The following GNAO1 variants were observed in gnomAD, a reference collection of about 807,000 sequenced individuals.
GNAO1 encodes guanine nucleotide-binding protein G(o) subunit alpha.
For synonymous variants in GNAO1, 164 were observed against 180.7 expected (o/e 0.91, Z 0.74); for missense variants, 166 against 478.7 (o/e 0.35, Z 6.10).
chr16:56,267,777 T>TCG (rs1267491262), intron 2 of GNAO1, among the ~76,000 whole-genome samples: 1 of 152,192 alleles, frequency 6.6e-6, no homozygotes, highest in Non-Finnish European at 1.5e-5. Context: ...ATTGTGTCTG[T>TCG]CGCTTTTATC....
At chr16:56,253,972 A>G (rs1302679900) in intron 2 of GNAO1, among the ~76,000 whole-genome samples, 2 of 152,232 alleles carry the variant, frequency 1.3e-5, no homozygotes, top group Non-Finnish European at 2.9e-5. Context: ...AAATGTTCCC[A>G]TTTAAGAACA....
At chr16:56,318,928 G>C (rs1002701495) in intron 3 of GNAO1, among the ~76,000 whole-genome samples, 2 of 152,154 alleles carry the variant, frequency 1.3e-5, no homozygotes, top group Non-Finnish European at 1.5e-5. Flanking sequence ...TGAGAGAACA[G>C]AGGCTCAGAG....
At chr16:56,252,052 A>G (rs1161683235) in intron 2 of GNAO1, among the ~76,000 whole-genome samples, 1 of 152,226 alleles carries the variant, frequency 6.6e-6, no homozygotes, top group East Asian at 1.9e-4. Context: ...TATAGGAAGT[A>G]TAATAAATCA....
At chr16:56,230,251 G>A (rs1422580994) in intron 2 of GNAO1, among the ~76,000 whole-genome samples, 1 of 152,204 alleles carries the variant, frequency 6.6e-6, no homozygotes, top group East Asian at 1.9e-4. Flanking sequence ...GGAGGCTGCT[G>A]TGGGGCCTGG....
chr16:56,320,672 C>T (rs753052184), intron 3 of GNAO1, among the ~76,000 whole-genome samples: 1 of 152,138 alleles, frequency 6.6e-6, no homozygotes, highest in Non-Finnish European at 1.5e-5. Context: ...CCAGCAGGTG[C>T]GGAATGATGA....
At chr16:56,209,420 G>A in intron 2 of GNAO1, among the ~76,000 whole-genome samples, 1 of 152,162 alleles carries the variant, frequency 6.6e-6, no homozygotes, top group East Asian at 1.9e-4. Context: ...TGGTCTTCAT[G>A]AGTGTCTTGG....
rs140038627 is a variant in GNAO1 at position 56,236,897 on chromosome 16, G to A, written c.162-39034G>A. On this transcript the variant is annotated intron_variant, in intron 2 of 8. Coordinates refer to ENST00000262493, the MANE Select transcript of GNAO1 (RefSeq NM_020988.3). ...TAGCCAAGGGCCGTGTCCCAGGAACGTGTAGGATTGTGCATTTGGATATCT... is the reference window on the plus strand; with the variant it reads ...TAGCCAAGGGCCGTGTCCCAGGAACATGTAGGATTGTGCATTTGGATATCT... Among the ~76,000 whole-genome samples, 215 of 152,294 alleles carry A rather than the reference G, an allele frequency of 1.4e-3. 1 individual carries two copies. Among genetic ancestry groups the A allele is most frequent in the African/African-American group, 5.0e-3 (207 of 41,564 alleles).
intron 3 of GNAO1, among the ~76,000 whole-genome samples, chr16:56,278,601 C>T (rs549563368): frequency 6.6e-6 from 1 of 152,312 alleles, no homozygotes; most frequent in Non-Finnish European, 1.5e-5. Context: ...CTTCCCTTTC[C>T]ATGTTCTCAT....
intron 4 of GNAO1, 29 bp downstream of exon 4, chr16:56,328,820 G>A: frequency 6.2e-7 from 1 of 1,609,668 alleles, no homozygotes; most frequent in Non-Finnish European, 8.5e-7. Context: ...GCATGGCCTG[G>A]AGCCGGGCAG....
At chr16:56,352,657 G>T (rs2037935326) in intron 7 of GNAO1, 1 of 152,424 alleles carries the variant, frequency 6.6e-6, no homozygotes, top group South Asian at 2.1e-4. Context: ...GTCGATGCTG[G>T]TCTCCCCACC....
Position 56,347,237 on chromosome 16 carries a change from G to T in GNAO1, c.724-4147G>T, listed in dbSNP as rs1377266221. On this transcript the variant is annotated intron_variant, in intron 6 of 8. Coordinates refer to ENST00000262493, the MANE Select transcript of GNAO1 (RefSeq NM_020988.3). The stretch of plus-strand genomic sequence containing the variant: ...TTCTCTGAGCCTCTGGGAGCCTTCA[G>T]GCAAAACCTGGCAGTTCTCAGGAAC... The T allele has an allele frequency of 9.1e-6, 9 of 985,474 alleles. No homozygotes were observed. In the African/African-American group the frequency reaches 1.6e-4, roughly 17 times the overall value. The allele number at this position is 985,474 out of a possible 1,614,324, so 61.0% of individuals were successfully genotyped here.
chr16:56,342,974 G>A (rs1482645688), intron 6 of GNAO1, among the ~76,000 whole-genome samples: 8 of 151,964 alleles, frequency 5.3e-5, no homozygotes, highest in Admixed American at 3.9e-4. Flanking sequence ...TTAGTGGGGC[G>A]TGGCAGCACG....
chr16:56,276,199 T>C, intron 3 of GNAO1, 127 bp downstream of exon 3: 1 of 792,374 alleles, frequency 1.3e-6, no homozygotes, highest in Non-Finnish European at 1.9e-6. Flanking sequence ...GAAAGATATA[T>C]GGTGGCACAG....
chr16:56,217,493 G>A (rs2036446367), intron 2 of GNAO1, among the ~76,000 whole-genome samples: 1 of 152,166 alleles, frequency 6.6e-6, no homozygotes. Context: ...TGCTGCCTAA[G>A]GGGGCAAGAG....
intron 2 of GNAO1, among the ~76,000 whole-genome samples, chr16:56,215,552 C>T (rs1050740627): frequency 2.4e-4 from 36 of 152,180 alleles, no homozygotes; most frequent in Non-Finnish European, 8.8e-5. Context: ...GAGCCCAGTA[C>T]TAGGAACATA....
At chr16:56,307,077 C>G (rs1417095378) in intron 3 of GNAO1, 1 of 152,404 alleles carries the variant, frequency 6.6e-6, no homozygotes, top group Non-Finnish European at 1.5e-5. Context: ...GGACAGAACT[C>G]TGGCCTGGTG....
In GNAO1 at chr16:56,328,548, C is replaced by T. The variant is rs1245779376; in HGVS notation, c.304-83C>T. 9.9e-6 allele frequency: 14 copies of T among 1,418,356 alleles called. No individual in the cohort carries two copies. In the East Asian group the frequency reaches 2.7e-4, roughly 28 times the overall value. 87.9% of individuals were successfully genotyped at this position (1,418,356 alleles called of 1,614,324 possible). On this transcript the variant is annotated intron_variant, in intron 3 of 8. Coordinates refer to ENST00000262493, the MANE Select transcript of GNAO1 (RefSeq NM_020988.3). ...CACTGGCTGGGCTCTCATCACAGTC[C>T]CCGCTAGGGGAGAGCCCTTGGCTGG...
chr16:56,347,841 G>T, intron 6 of GNAO1: 1 of 977,158 alleles, frequency 1.0e-6, no homozygotes, highest in Non-Finnish European at 1.2e-6. Flanking sequence ...GGGCAGCCAG[G>T]CCCTCCCCTC....
intron 2 of GNAO1, among the ~76,000 whole-genome samples, chr16:56,267,410 C>T (rs1453952843): frequency 2.0e-5 from 3 of 152,206 alleles, no homozygotes; most frequent in Admixed American, 6.5e-5. Context: ...CTCTGGCTTC[C>T]GGTCCCACCG....
Sources: allele counts gnomAD v4.1 joint callset (sites outside exome capture counted in the v4.1 genomes callset), GRCh38; gene constraint gnomAD v4.1.1; transcripts MANE v1.5; gene names NCBI Gene and HGNC (gene_info 2026-07-23, HGNC 2026-07-21).